Variants in FAF1 observed in about 807,000 individuals in gnomAD.
The protein encoded by FAF1 is Fas associated factor 1, also known as FAS-associated factor 1.
A neutral mutation model predicts 92.5 loss-of-function variants in FAF1; 25 were observed. The ratio of observed to expected loss-of-function variants is 0.27; its 90% confidence interval spans 0.20 to 0.38. The LOEUF is 0.38. Among genes scored for constraint, FAF1 ranks in the 10% least tolerant of loss-of-function variants. FAF1 has a pLI of 1.00. For missense variants in FAF1, 636 were observed against 793.3 expected (o/e 0.80, Z 2.38); for synonymous variants, 234 against 273.2 (o/e 0.86, Z 1.42).
At chr1:50,712,887 C>T (rs71651154) in intron 6 of FAF1, among the ~76,000 whole-genome samples, 9,444 of 151,826 alleles carry the variant, frequency 0.062, 418 homozygotes, top group Non-Finnish European at 0.097. Context: ...GTTGGGGGGG[C>T]GCTGTGGCTC....
At chr1:50,816,322 A>G (rs534173565) in intron 2 of FAF1, among the ~76,000 whole-genome samples, 2 of 148,642 alleles carry the variant, frequency 1.3e-5, no homozygotes, top group African/African-American at 5.0e-5. Flanking sequence ...CTCCTGCCTC[A>G]GCCTCCCGAG....
At chr1:50,840,480 A>G (rs1341555812) in intron 2 of FAF1, among the ~76,000 whole-genome samples, 2 of 152,058 alleles carry the variant, frequency 1.3e-5, no homozygotes, top group East Asian at 1.9e-4. Flanking sequence ...TAGATGGCCA[A>G]TAAGAACACA....
rs892742217 is a variant in FAF1, at chr1:50,539,711, T to C, written c.1286A>G (p.Asn429Ser). 19 of 1,611,592 alleles carry C rather than the reference T, an allele frequency of 1.2e-5. No homozygotes were observed. The highest frequency in any genetic ancestry group is 2.2e-5 in the East Asian group (1 of 44,832). The change falls in exon 14 of 19, where the codon AAT becomes AGT. Residue 429 changes from asparagine (N) to serine (S), a missense_variant. By Grantham distance (46) the Asn-to-Ser change is conservative. Around this residue, in one of 2 missense-constraint regions of FAF1, gnomAD observed 319 missense variants for 451.0 expected, o/e 0.71. Coordinates refer to ENST00000396153, the MANE Select transcript of FAF1 (RefSeq NM_007051.3). ...TGCCACAACACTGCCAAAGTGTCTA[T>C]TGCACATAGTGAGAAATCTAAAAGG... is the stretch of plus-strand genomic sequence containing the variant. The part of the protein sequence containing the change: ...SNRARFLTMC[N>S]RHFGSVVAQT...
At chr1:50,801,211 T>C (rs1259266581) in intron 3 of FAF1, among the ~76,000 whole-genome samples, 1 of 152,192 alleles carries the variant, frequency 6.6e-6, no homozygotes, top group Non-Finnish European at 1.5e-5. Context: ...AATTATCATA[T>C]ACTTGATTTA....
At chr1:50,512,712 A>G (rs1647152820) in intron 15 of FAF1, among the ~76,000 whole-genome samples, 1 of 152,222 alleles carries the variant, frequency 6.6e-6, no homozygotes, top group African/African-American at 2.4e-5. Flanking sequence ...TGTCTTGGCT[A>G]TAACGGCTCT....
At position 50,852,457 on chromosome 1, in the gene FAF1, A is replaced by G. The variant is rs571384515; in HGVS notation, c.114+5472T>C. Among the ~76,000 whole-genome samples, 6 of 152,370 alleles carry G rather than the reference A, an allele frequency of 3.9e-5. No homozygotes were observed. In the East Asian group the frequency reaches 7.7e-4, roughly 20 times the overall value. Reference sequence around the variant, plus strand: ...CAATTCCCTTCCTCTAGAACTGAGAATCTATTTGAAAACAAAGCAGAAATG... The same window carrying G: ...CAATTCCCTTCCTCTAGAACTGAGAGTCTATTTGAAAACAAAGCAGAAATG... On this transcript the variant is annotated intron_variant, in intron 2 of 18. Coordinates refer to ENST00000396153, the MANE Select transcript of FAF1 (RefSeq NM_007051.3).
At chr1:50,798,019 T>C (rs1661827131) in intron 3 of FAF1, among the ~76,000 whole-genome samples, 1 of 152,060 alleles carries the variant, frequency 6.6e-6, no homozygotes, top group Non-Finnish European at 1.5e-5. Context: ...CACTTGTTTA[T>C]TATTTCAATT....
intron 7 of FAF1, among the ~76,000 whole-genome samples, chr1:50,660,772 G>A (rs534675063): frequency 2.2e-4 from 33 of 152,108 alleles, no homozygotes; most frequent in South Asian, 1.5e-3. Flanking sequence ...AATTACAGGC[G>A]AGCTACCTTA....
intron 7 of FAF1, among the ~76,000 whole-genome samples, chr1:50,685,699 T>C (rs1039216102): frequency 1.3e-5 from 2 of 152,184 alleles, no homozygotes; most frequent in Admixed American, 1.3e-4. Context: ...CTACTGACAC[T>C]AGTAGATGCT....
chr1:50,665,663 A>G (rs926621712), intron 7 of FAF1, among the ~76,000 whole-genome samples: 3 of 152,164 alleles, frequency 2.0e-5, no homozygotes, highest in Non-Finnish European at 2.9e-5. Context: ...AGTTGAGTAC[A>G]TGTAACAGAG....
chr1:50,571,142 C>T (rs1046455024), intron 12 of FAF1, among the ~76,000 whole-genome samples: 1 of 152,140 alleles, frequency 6.6e-6, no homozygotes, highest in Non-Finnish European at 1.5e-5. Flanking sequence ...CGGAGGCAAA[C>T]GTTTAATTGT....
chr1:50,866,796 T>C (rs1386472901), intron 1 of FAF1, among the ~76,000 whole-genome samples: 1 of 152,098 alleles, frequency 6.6e-6, no homozygotes, highest in Non-Finnish European at 1.5e-5. Context: ...GCAATTGCCA[T>C]CAAAATACCA....
intron 7 of FAF1, among the ~76,000 whole-genome samples, chr1:50,669,819 G>A (rs1271277067): frequency 6.6e-6 from 1 of 152,160 alleles, no homozygotes; most frequent in Non-Finnish European, 1.5e-5. Flanking sequence ...GTCTGCCTGA[G>A]GCATAAAATT....
chr1:50,847,313 A>G (rs538469184), intron 2 of FAF1, among the ~76,000 whole-genome samples: 1 of 152,252 alleles, frequency 6.6e-6, no homozygotes, highest in Admixed American at 6.5e-5. Flanking sequence ...AGAACAGGAA[A>G]TTTTAGATGA....
chr1:50,503,881 T>C (rs993602734), intron 15 of FAF1, among the ~76,000 whole-genome samples: 1 of 152,116 alleles, frequency 6.6e-6, no homozygotes, highest in Non-Finnish European at 1.5e-5. Context: ...GGACTTGGCT[T>C]GACAGACAGA....
At chr1:50,510,238 T>C (rs1367999469) in intron 15 of FAF1, among the ~76,000 whole-genome samples, 1 of 151,092 alleles carries the variant, frequency 6.6e-6, no homozygotes, top group East Asian at 1.9e-4. Flanking sequence ...ATGAAATCAA[T>C]ATATCACATA....
At chr1:50,885,507 G>A (rs1051384631) in intron 1 of FAF1, among the ~76,000 whole-genome samples, 2 of 151,922 alleles carry the variant, frequency 1.3e-5, no homozygotes, top group African/African-American at 2.4e-5. Context: ...AGTTATGCAT[G>A]CTCTTTTTTG....
Position 50,466,238 on chromosome 1 carries a change from G to C in FAF1, c.1869+9226C>G, listed in dbSNP as rs565902901. On this transcript the variant is annotated intron_variant, in intron 18 of 18. Transcript: ENST00000396153. ...ACCAACAGATTTTGCTTATGAGTTG[G>C]AGAAAGGAGAGAAAGAGGAGTCAAG... 4.7e-4 allele frequency among the ~76,000 whole-genome samples: 72 copies of C among 152,258 alleles called. 1 individual carries two copies. The highest frequency in any genetic ancestry group is 1.7e-3 in the African/African-American group (71 of 41,552).
intron 8 of FAF1, among the ~76,000 whole-genome samples, chr1:50,652,047 C>T (rs999267856): frequency 6.6e-6 from 1 of 152,194 alleles, no homozygotes; most frequent in Non-Finnish European, 1.5e-5. Context: ...CTCAAGGCAA[C>T]ACCCTGCCAA....
Sources: gnomAD v4.1 joint callset for allele counts (sites outside exome capture counted in the v4.1 genomes callset) on GRCh38, gnomAD v4.1.1 for gene constraint, gnomAD v4.1.1 regional missense constraint, MANE v1.5 for transcripts, NCBI Gene and HGNC (gene_info 2026-07-23, HGNC 2026-07-21) for gene names.